ABCC9: variants seen among roughly 807,000 people sequenced by gnomAD.
ABCC9 encodes ATP-binding cassette sub-family C member 9.
In ABCC9, 95 loss-of-function variants were observed where a neutral mutation model predicts 188.3. The observed-to-expected ratio is 0.50, with a 90% confidence interval of 0.43 to 0.60. The LOEUF (loss-of-function observed/expected upper bound fraction) is 0.60, where lower values mean the gene tolerates loss of function less well. ABCC9 is among the 20% of genes least tolerant of loss of function. ABCC9 has a pLI of 0.00. For missense variants in ABCC9, 1,102 were observed against 1,876.3 expected (o/e 0.59, Z 7.62); for synonymous variants, 659 against 652.7 (o/e 1.01, Z -0.15).
intron 31 of ABCC9, among the ~76,000 whole-genome samples, 169 bp downstream of exon 31, chr12:21,828,789 A>G (rs1163672290): frequency 1.3e-5 from 2 of 152,234 alleles, no homozygotes; most frequent in East Asian, 3.8e-4. Flanking sequence ...CTAAAACATT[A>G]TGACAAACTT....
chr12:21,809,589 A>G (rs2137131655), intron 37 of ABCC9, among the ~76,000 whole-genome samples: 1 of 152,264 alleles, frequency 6.6e-6, no homozygotes, highest in Non-Finnish European at 1.5e-5. Context: ...GTACCCACCA[A>G]TTGTGAAAAG....
chr12:21,859,190 T>C (rs1394217529), intron 22 of ABCC9, among the ~76,000 whole-genome samples: 1 of 152,166 alleles, frequency 6.6e-6, no homozygotes, highest in East Asian at 1.9e-4. Context: ...TGCACAGCAC[T>C]GGAATGGGGT....
At chr12:21,912,328 C>T (rs1948361035) in intron 8 of ABCC9, among the ~76,000 whole-genome samples, 1 of 151,894 alleles carries the variant, frequency 6.6e-6, no homozygotes, top group Non-Finnish European at 1.5e-5. Flanking sequence ...TATTTATGAT[C>T]ATAAACACGC....
intron 18 of ABCC9, among the ~76,000 whole-genome samples, chr12:21,870,755 A>T (rs1413919494): frequency 6.6e-6 from 1 of 150,776 alleles, no homozygotes; most frequent in Non-Finnish European, 1.5e-5. Flanking sequence ...AACAATATTT[A>T]AAAATTTTCT....
intron 7 of ABCC9, 32 bp downstream of exon 7, chr12:21,915,636 A>C (rs746454463): frequency 6.2e-7 from 1 of 1,608,660 alleles, no homozygotes. Context: ...ATTCTCTGTA[A>C]TTAAGCACAT....
chr12:21,852,071 A>G (rs1285581138), intron 24 of ABCC9, 26 bp downstream of exon 24: 1 of 1,613,216 alleles, frequency 6.2e-7, no homozygotes, highest in South Asian at 1.1e-5. Context: ...TTGGGCTCTG[A>G]ACTCTTCTGA....
At chr12:21,919,853 A>G (rs1470502982) in intron 5 of ABCC9, among the ~76,000 whole-genome samples, 2 of 152,082 alleles carry the variant, frequency 1.3e-5, no homozygotes, top group Non-Finnish European at 2.9e-5. Context: ...ACATAGATGT[A>G]AAAAGCCTTA....
intron 36 of ABCC9, among the ~76,000 whole-genome samples, chr12:21,810,744 A>G (rs1420773097): frequency 6.6e-6 from 1 of 152,192 alleles, no homozygotes; most frequent in Non-Finnish European, 1.5e-5. Context: ...AAACCATATC[A>G]AGTAGTATTC....
intron 31 of ABCC9, among the ~76,000 whole-genome samples, chr12:21,824,711 T>C (rs1333263522): frequency 6.6e-6 from 1 of 152,200 alleles, no homozygotes; most frequent in African/African-American, 2.4e-5. Context: ...CTTCCTAGTT[T>C]AGTCTTGGGA....
At chr12:21,937,265 A>G (rs1304627963) in intron 2 of ABCC9, among the ~76,000 whole-genome samples, 2 of 152,176 alleles carry the variant, frequency 1.3e-5, no homozygotes. Context: ...AATGCTCAAG[A>G]TGAATTAAAC....
intron 12 of ABCC9, among the ~76,000 whole-genome samples, chr12:21,902,086 C>T (rs374250964): frequency 1.3e-5 from 2 of 152,056 alleles, no homozygotes; most frequent in Admixed American, 6.6e-5. Flanking sequence ...ACAGAAATTA[C>T]AACAAACTGT....
chr12:21,809,284 G>A (rs1440778053), intron 37 of ABCC9, among the ~76,000 whole-genome samples: 1 of 152,120 alleles, frequency 6.6e-6, no homozygotes, highest in Non-Finnish European at 1.5e-5. Flanking sequence ...TTTTATCAGT[G>A]ATTGAGTACA....
chr12:21,899,004 G>T (rs1000260365), intron 12 of ABCC9, among the ~76,000 whole-genome samples: 2 of 152,132 alleles, frequency 1.3e-5, no homozygotes, highest in East Asian at 3.9e-4. Context: ...CACATCATAA[G>T]CTCCCAAGGA....
intron 32 of ABCC9, among the ~76,000 whole-genome samples, chr12:21,817,921 A>T (rs1260348565): frequency 6.6e-6 from 1 of 152,052 alleles, no homozygotes. Context: ...ATGGATACAT[A>T]CGCAGAACAT....
intron 21 of ABCC9, 100 bp downstream of exon 21, chr12:21,860,869 CCT>C: frequency 1.0e-6 from 1 of 965,598 alleles, no homozygotes; most frequent in Non-Finnish European, 1.6e-6. Flanking sequence ...ACATACAACT[CCT>C]AAGCTCTCAA....
rs1337541932 is a variant in ABCC9, at chr12:21,799,751, G to A, written c.*1293C>T. On this transcript the variant is annotated 3_prime_UTR_variant, in exon 40 of 40. Coordinates refer to ENST00000261200, the MANE Select transcript of ABCC9 (RefSeq NM_020297.4). ...ATATCTTCACAATCTTACAATGCAT[G>A]TGGATCTTCATATGAAAAAGAAATC... 1 of 152,148 alleles carries A rather than the reference G, an allele frequency of 6.6e-6. No homozygotes were observed. Among genetic ancestry groups the A allele is most frequent in the Non-Finnish European group, 1.5e-5 (1 of 68,026 alleles). The allele number at this position is 152,148 out of a possible 1,614,324, so 9.4% of individuals were successfully genotyped here. A position where few individuals can be genotyped will look rare whatever the true frequency, so the allele number is the denominator to read the frequency against.
chr12:21,838,285 T>G, intron 29 of ABCC9, 115 bp from the exon 30 acceptor site: 1 of 831,124 alleles, frequency 1.2e-6, no homozygotes, highest in African/African-American at 1.7e-5. Context: ...TCATTGAAAT[T>G]TTTTCCCCTA....
chr12:21,853,820 G>T (rs778166657), intron 22 of ABCC9, among the ~76,000 whole-genome samples: 4 of 152,162 alleles, frequency 2.6e-5, no homozygotes, highest in Admixed American at 6.5e-5. Flanking sequence ...AAGGACCAGG[G>T]ATGGCAGGGA....
At chr12:21,912,751 G>C in intron 8 of ABCC9, 121 bp downstream of exon 8, 1 of 857,106 alleles carries the variant, frequency 1.2e-6, no homozygotes, top group East Asian at 2.8e-5. Flanking sequence ...CTTTTAGAAA[G>C]CATTCAATTC....
Sources: gnomAD v4.1 joint callset for allele counts (sites outside exome capture counted in the v4.1 genomes callset) on GRCh38, gnomAD v4.1.1 for gene constraint, MANE v1.5 for transcripts, NCBI Gene and HGNC (gene_info 2026-07-23, HGNC 2026-07-21) for gene names.